Variants in KIF1B observed in about 807,000 individuals in gnomAD.
KIF1B encodes kinesin family member 1B, also known as kinesin-like protein KIF1B.
A neutral mutation model predicts 241.9 loss-of-function variants in KIF1B; 76 were observed. The observed-to-expected ratio is 0.31, with a 90% CI of 0.26 to 0.38. The LOEUF (loss-of-function observed/expected upper bound fraction) is 0.38. Among genes scored for constraint, KIF1B ranks in the 10% least tolerant of loss-of-function variants. KIF1B has a pLI of 1.00. For missense variants in KIF1B, 1,622 were observed against 2,271.4 expected (o/e 0.71, Z 5.81); for synonymous variants, 750 against 796.7 (o/e 0.94, Z 0.99).
chr1:10,303,477 T>G lies in KIF1B; in HGVS notation c.2115+6231T>G. ...GGCAGGAGATTGAAGCCCTGGCCAT[T>G]GTCAAGATGAAGGAGCTTTGTGCCA... On this transcript the variant is annotated intron_variant, in intron 22 of 48. Coordinates refer to ENST00000676179, the MANE Select transcript of KIF1B (RefSeq NM_001365951.3). This position sits in a 1 kb window ranked among gnomAD's most constrained non-coding sequence, Gnocchi z 5.2. 6.2e-7 allele frequency: 1 copy of G among 1,614,156 alleles called. No homozygotes were observed. Among genetic ancestry groups the G allele is most frequent in the South Asian group, 1.1e-5 (1 of 91,088 alleles).
At position 10,224,021 on chromosome 1, in the gene KIF1B, T is replaced by C. The variant is rs184792444; in HGVS notation, c.-79-8229T>C. Among the ~76,000 whole-genome samples the C allele has an allele frequency of 6.0e-4, 92 of 152,336 alleles. 1 individual carries two copies. Among genetic ancestry groups the C allele is most frequent in the Admixed American group, 6.0e-3 (91 of 15,290 alleles). On this transcript the variant is annotated intron_variant, in intron 1 of 48. Coordinates refer to ENST00000676179, the MANE Select transcript of KIF1B (RefSeq NM_001365951.3). ...GTTTCACATGTTGCCTAGGCTGGTC[T>C]TGAACTCCTGAGCTCAAGCCATCTG...
intron 47 of KIF1B, 42 bp downstream of exon 47, chr1:10,375,088 C>CA: frequency 6.3e-7 from 1 of 1,597,632 alleles, no homozygotes; most frequent in South Asian, 1.1e-5. Context: ...CCACGTGTGC[C>CA]CTTCTCTTTT....
chr1:10,308,647 T>G (rs1569789679), intron 22 of KIF1B: 1 of 1,009,024 alleles, frequency 9.9e-7, no homozygotes, highest in Non-Finnish European at 1.2e-6. Flanking sequence ...AGCAAGGTAA[T>G]GCTAACTAAA....
At chr1:10,215,560 C>G (rs890412717) in intron 1 of KIF1B, among the ~76,000 whole-genome samples, 1 of 149,766 alleles carries the variant, frequency 6.7e-6, no homozygotes, top group Non-Finnish European at 1.5e-5. Flanking sequence ...GTTTTTTTCC[C>G]CTTGAGACAG....
intron 22 of KIF1B, among the ~76,000 whole-genome samples, chr1:10,315,689 T>C (rs1651273125): frequency 6.6e-6 from 1 of 151,588 alleles, no homozygotes; most frequent in Non-Finnish European, 1.5e-5. Context: ...TATTTTTGAA[T>C]TGTCTAGGCC....
rs1648475171 is a variant in KIF1B at position 10,266,581 on chromosome 1, G to A, written c.430-799G>A. Among the ~76,000 whole-genome samples the A allele has an allele frequency of 3.3e-5, 5 of 152,158 alleles. No homozygotes were observed. The South Asian group carries it at 1.0e-3, about 32-fold the overall frequency. ...TCCATAGTTAGTAACAGTGTGGTGAGCCTTAAAGAATTAGCATCACCCGTC... is the reference window on the plus strand; with the variant it reads ...TCCATAGTTAGTAACAGTGTGGTGAACCTTAAAGAATTAGCATCACCCGTC... On this transcript the variant is annotated intron_variant, in intron 5 of 48. Coordinates refer to ENST00000676179, the MANE Select transcript of KIF1B (RefSeq NM_001365951.3).
At chr1:10,298,128 A>G (rs1569754197) in intron 22 of KIF1B, among the ~76,000 whole-genome samples, 1 of 152,364 alleles carries the variant, frequency 6.6e-6, no homozygotes, top group East Asian at 1.9e-4. Context: ...ATATGTAAGA[A>G]TAAAGTATAA....
chr1:10,273,583 A>G (rs1648918753), intron 10 of KIF1B, among the ~76,000 whole-genome samples: 1 of 151,880 alleles, frequency 6.6e-6, no homozygotes, highest in African/African-American at 2.4e-5. Flanking sequence ...TGCTATTGGA[A>G]ATGACTTTCT....
chr1:10,239,898 T>G (rs1647111124), intron 2 of KIF1B, among the ~76,000 whole-genome samples: 1 of 151,898 alleles, frequency 6.6e-6, no homozygotes, highest in Non-Finnish European at 1.5e-5. Context: ...CCCGAGTAGC[T>G]GGGACTACAA....
chr1:10,330,712 A>T (rs530045691), intron 27 of KIF1B, among the ~76,000 whole-genome samples: 1 of 152,312 alleles, frequency 6.6e-6, no homozygotes, highest in South Asian at 2.1e-4. Flanking sequence ...TCCCTTATGC[A>T]CATAGATGTT....
chr1:10,254,329 T>TG (rs1196814430), intron 2 of KIF1B, among the ~76,000 whole-genome samples: 1 of 152,232 alleles, frequency 6.6e-6, no homozygotes, highest in Non-Finnish European at 1.5e-5. Context: ...TTACCTAGGA[T>TG]GGATAAACAT....
rs774262341 is a variant in KIF1B at position 10,374,396 on chromosome 1, C to T, written c.5027C>T (p.Pro1676Leu). 1 of 1,614,168 alleles carries T rather than the reference C, an allele frequency of 6.2e-7. No homozygotes were observed. The highest frequency in any genetic ancestry group is 8.5e-7 in the Non-Finnish European group (1 of 1,180,002). Residue 1676 changes from proline (P) to leucine (L), a missense_variant, in exon 46 of 49, where the codon CCA (proline) becomes CTA (leucine). This residue lies in a region of KIF1B where 357 missense variants were observed against 409.0 expected (regional missense o/e 0.87). Coordinates refer to ENST00000676179, the MANE Select transcript of KIF1B (RefSeq NM_001365951.3). The surrounding 1 kb of genome is among the most constrained non-coding windows in gnomAD (Gnocchi z 4.3). Reference protein sequence around the residue: ...QFQIVPAVETPYLARAGKNEF... With the variant: ...QFQIVPAVETLYLARAGKNEF... The stretch of plus-strand genomic sequence containing the variant: ...CAGATTGTCCCAGCTGTGGAAACAC[C>T]ATATTTGGCCCGAGCAGGAAAAAAC...
At chr1:10,289,660 G>A (rs539217457) in intron 15 of KIF1B, among the ~76,000 whole-genome samples, 4 of 152,236 alleles carry the variant, frequency 2.6e-5, no homozygotes, top group South Asian at 2.1e-4. Context: ...GAAGCGGGCC[G>A]ATCACCTGAG....
At chr1:10,335,746 C>T (rs1652143554) in intron 28 of KIF1B, among the ~76,000 whole-genome samples, 1 of 151,472 alleles carries the variant, frequency 6.6e-6, no homozygotes. Flanking sequence ...CCTGTAGTCC[C>T]AGCTACTTGG....
intron 28 of KIF1B, among the ~76,000 whole-genome samples, chr1:10,335,630 TTTG>T (rs1256467085): frequency 3.9e-4 from 59 of 152,218 alleles, no homozygotes; most frequent in African/African-American, 1.3e-3. Flanking sequence ...TTGTTGTTTT[TTTG>T]TTTGTTTGTT....
chr1:10,219,941 G>A (rs1646818918), intron 1 of KIF1B, among the ~76,000 whole-genome samples: 1 of 151,520 alleles, frequency 6.6e-6, no homozygotes, highest in African/African-American at 2.4e-5. Context: ...GGTGGTTCAT[G>A]CTTGTAATCC....
intron 2 of KIF1B, among the ~76,000 whole-genome samples, chr1:10,255,725 C>T (rs1000593269): frequency 2.6e-5 from 4 of 152,198 alleles, no homozygotes; most frequent in South Asian, 2.1e-4. Context: ...ACTGGTAACA[C>T]GCAGTTAATG....
intron 2 of KIF1B, 144 bp downstream of exon 2, chr1:10,232,578 C>A: frequency 1.5e-6 from 1 of 683,546 alleles, no homozygotes; most frequent in Non-Finnish European, 2.7e-6. Flanking sequence ...GAATGTATTC[C>A]CCTCTGTGGT....
Position 10,261,978 on chromosome 1 carries a change from C to T in KIF1B, c.429+8C>T, listed in dbSNP as rs756538021. On this transcript the variant is annotated splice_region_variant and intron_variant, in intron 5 of 48. Coordinates refer to ENST00000676179, the MANE Select transcript of KIF1B (RefSeq NM_001365951.3). Reference sequence around the variant, plus strand: ...ATGTCTTACTCTGTAGAGGTGAGTACAGCCGTGAGTTGACACCGTAAGCCC... The same window carrying T: ...ATGTCTTACTCTGTAGAGGTGAGTATAGCCGTGAGTTGACACCGTAAGCCC... 19 of 1,598,830 alleles carry T rather than the reference C, an allele frequency of 1.2e-5. No individual in the cohort carries two copies. Among genetic ancestry groups the T allele is most frequent in the African/African-American group, 4.0e-5 (3 of 74,602 alleles).
Sources: allele counts gnomAD v4.1 joint callset (sites outside exome capture counted in the v4.1 genomes callset), GRCh38; gene constraint gnomAD v4.1.1; regional missense constraint gnomAD v4.1.1; non-coding constraint Gnocchi (gnomAD v3.1); transcripts MANE v1.5; gene names NCBI Gene and HGNC (gene_info 2026-07-23, HGNC 2026-07-21).